The following GALNTL6 variants were observed in gnomAD, a reference collection of about 807,000 sequenced individuals.
The protein encoded by GALNTL6 is polypeptide N-acetylgalactosaminyltransferase like 6.
Under a neutral mutation model 73.7 loss-of-function variants are expected in GALNTL6, and 46 were observed. That is an observed-to-expected ratio of 0.62 (90% CI 0.49 to 0.80). GALNTL6 has a LOEUF of 0.80. GALNTL6 is among the 30% of genes least tolerant of loss of function. The pLI, the probability that GALNTL6 is intolerant of heterozygous loss-of-function variation, is 0.00. For synonymous variants in GALNTL6, 259 were observed against 263.7 expected (o/e 0.98, Z 0.17); for missense variants, 604 against 755.0 (o/e 0.80, Z 2.34).
intron 5 of GALNTL6, among the ~76,000 whole-genome samples, chr4:172,680,970 C>A (rs1304012523): frequency 6.6e-6 from 1 of 152,130 alleles, no homozygotes; most frequent in East Asian, 1.9e-4. Flanking sequence ...ATGAAAGAGG[C>A]CCTGAGCATG....
Position 172,225,464 on chromosome 4 carries a change from C to T in GALNTL6, c.139-4192C>T, listed in dbSNP as rs114774394. On this transcript the variant is annotated intron_variant, in intron 2 of 12. Coordinates refer to ENST00000506823, the MANE Select transcript of GALNTL6 (RefSeq NM_001034845.3). The stretch of plus-strand genomic sequence containing the variant: ...CCATTGTGTCACATTCCAATTCATA[C>T]GGATTAGAGGTTCCCAACCCATAAT... Among the ~76,000 whole-genome samples, 534 of 150,146 alleles carry T rather than the reference C, an allele frequency of 3.6e-3. 4 individuals are homozygous for T. Among genetic ancestry groups the T allele is most frequent in the Middle Eastern group, 6.8e-3 (2 of 294 alleles).
chr4:173,004,453 C>T (rs1048556744), intron 10 of GALNTL6, among the ~76,000 whole-genome samples: 28 of 152,212 alleles, frequency 1.8e-4, no homozygotes, highest in African/African-American at 5.5e-4. Context: ...ATGATGAAAC[C>T]GCATCTCTAC....
chr4:172,266,155 A>G (rs1738443531), intron 3 of GALNTL6: 1 of 152,120 alleles, frequency 6.6e-6, no homozygotes, highest in Admixed American at 6.6e-5. Flanking sequence ...AGAACTAGGG[A>G]GAACTTACTG....
intron 2 of GALNTL6, among the ~76,000 whole-genome samples, chr4:171,838,820 G>A (rs1735168636): frequency 6.6e-6 from 1 of 152,144 alleles, no homozygotes; most frequent in Non-Finnish European, 1.5e-5. Context: ...ACAGAGTTTG[G>A]TGTTCAACAG....
intron 2 of GALNTL6, among the ~76,000 whole-genome samples, chr4:172,110,599 A>G (rs142938617): frequency 2.0e-5 from 3 of 152,310 alleles, no homozygotes; most frequent in African/African-American, 7.2e-5. Context: ...AAAAGCTGCC[A>G]GTTATTTATA....
At chr4:172,737,394 C>A (rs970797335) in intron 5 of GALNTL6, among the ~76,000 whole-genome samples, 5 of 151,932 alleles carry the variant, frequency 3.3e-5, no homozygotes, top group Non-Finnish European at 7.4e-5. Context: ...TTGCTTCATT[C>A]CACTGTTAAG....
chr4:171,983,813 T>A (rs571192515), intron 2 of GALNTL6, among the ~76,000 whole-genome samples: 101 of 152,256 alleles, frequency 6.6e-4, no homozygotes, highest in Non-Finnish European at 1.2e-3. Context: ...CAACCCCTCC[T>A]AACAACTGCT....
At chr4:172,527,655 T>C (rs1354385638) in intron 5 of GALNTL6, among the ~76,000 whole-genome samples, 2 of 152,186 alleles carry the variant, frequency 1.3e-5, no homozygotes, top group Non-Finnish European at 2.9e-5. Flanking sequence ...TAAGAGCCTA[T>C]TGCAGTGCTT....
chr4:172,962,817 ACCATAAACAGC>A (rs1750144718), intron 10 of GALNTL6, among the ~76,000 whole-genome samples: 1 of 151,906 alleles, frequency 6.6e-6, no homozygotes, highest in South Asian at 2.1e-4. Context: ...TATGTTACAG[ACCATAAACAGC>A]CTATAAACCG....
intron 7 of GALNTL6, among the ~76,000 whole-genome samples, chr4:172,869,496 T>C (rs181117276): frequency 3.2e-4 from 49 of 152,270 alleles, no homozygotes; most frequent in Non-Finnish European, 4.6e-4. Context: ...ATAAAGTGTA[T>C]GCAGAGGTGG....
intron 5 of GALNTL6, among the ~76,000 whole-genome samples, chr4:172,358,926 A>G (rs1742266189): frequency 6.7e-6 from 1 of 149,868 alleles, no homozygotes; most frequent in Non-Finnish European, 1.5e-5. Flanking sequence ...CTTATACACT[A>G]TTGGTAGGGG....
At chr4:173,013,548 AC>A (rs901030009) in intron 11 of GALNTL6, among the ~76,000 whole-genome samples, 2 of 147,930 alleles carry the variant, frequency 1.4e-5, no homozygotes, top group African/African-American at 2.5e-5. Context: ...CACTCCCCGC[AC>A]CCCCCACGTC....
intron 4 of GALNTL6, among the ~76,000 whole-genome samples, chr4:172,312,022 T>G (rs1740381221): frequency 1.3e-5 from 2 of 152,196 alleles, no homozygotes. Context: ...TAAGGCAATA[T>G]CCATACTTTT....
intron 5 of GALNTL6, among the ~76,000 whole-genome samples, chr4:172,735,383 C>T (rs1736400512): frequency 6.6e-6 from 1 of 152,118 alleles, no homozygotes; most frequent in Non-Finnish European, 1.5e-5. Flanking sequence ...GGCCTGTAAC[C>T]CCTTTGTTTT....
intron 2 of GALNTL6, among the ~76,000 whole-genome samples, chr4:171,893,439 T>C (rs759553918): frequency 6.6e-6 from 1 of 152,192 alleles, no homozygotes; most frequent in Non-Finnish European, 1.5e-5. Context: ...TGAATAATAG[T>C]ACCAGTGTGG....
intron 5 of GALNTL6, among the ~76,000 whole-genome samples, chr4:172,582,554 C>G (rs954024420): frequency 5.3e-5 from 8 of 152,036 alleles, no homozygotes; most frequent in Non-Finnish European, 1.0e-4. Context: ...ACTCCATGAC[C>G]CTTTTATAAA....
chr4:172,198,956 A>G (rs1735869347), intron 2 of GALNTL6, among the ~76,000 whole-genome samples: 1 of 152,080 alleles, frequency 6.6e-6, no homozygotes, highest in Non-Finnish European at 1.5e-5. Flanking sequence ...AGTTCCTTAG[A>G]TATCACTTCC....
chr4:172,162,414 T>TA (rs1354172001), intron 2 of GALNTL6, among the ~76,000 whole-genome samples: 1 of 151,948 alleles, frequency 6.6e-6, no homozygotes, highest in Non-Finnish European at 1.5e-5. Flanking sequence ...AGGAGGATAT[T>TA]ACAGTATCAT....
At chr4:172,032,334 GA>G (rs1227942281) in intron 2 of GALNTL6, among the ~76,000 whole-genome samples, 2 of 152,028 alleles carry the variant, frequency 1.3e-5, no homozygotes, top group African/African-American at 4.8e-5. Flanking sequence ...ATGACACTCT[GA>G]ATATTGCTCA....
Sources: allele counts gnomAD v4.1 joint callset (sites outside exome capture counted in the v4.1 genomes callset), GRCh38; gene constraint gnomAD v4.1.1; transcripts MANE v1.5; gene names NCBI Gene and HGNC (gene_info 2026-07-23, HGNC 2026-07-21).